Variants in SYNE2 observed in about 807,000 individuals in gnomAD.
SYNE2 encodes spectrin repeat containing nuclear envelope protein 2, also known as nesprin-2.
In SYNE2, 431 loss-of-function variants were observed where a neutral mutation model predicts 856.3. The ratio of observed to expected loss-of-function variants is 0.50; its 90% CI spans 0.47 to 0.55. SYNE2 has a LOEUF of 0.55. Ranked by LOEUF, SYNE2 falls within the 20% of genes least tolerant of loss-of-function variation. SYNE2 has a pLI of 0.00. For missense variants in SYNE2, 8,129 were observed against 8,023.2 expected (o/e 1.01, Z -0.50); for synonymous variants, 2,923 against 2,872.3 (o/e 1.02, Z -0.56).
intron 64 of SYNE2, among the ~76,000 whole-genome samples, chr14:64,102,410 C>A (rs897071559): frequency 2.0e-5 from 3 of 151,978 alleles, no homozygotes; most frequent in Non-Finnish European, 2.9e-5. Flanking sequence ...TTTAAAATGC[C>A]CATTTGTAGC....
At chr14:64,151,086 C>T (rs1031308777) in intron 84 of SYNE2, among the ~76,000 whole-genome samples, 3 of 152,166 alleles carry the variant, frequency 2.0e-5, no homozygotes, top group Non-Finnish European at 2.9e-5. Flanking sequence ...ATTCCTCCAG[C>T]TCCATTCTCT....
chr14:63,917,709 A>G (rs1032425150), intron 2 of SYNE2, among the ~76,000 whole-genome samples: 2 of 152,198 alleles, frequency 1.3e-5, no homozygotes, highest in African/African-American at 2.4e-5. Context: ...ACCTCAGGTG[A>G]TCTGCCTGCC....
chr14:64,003,224 G>T lies in SYNE2; in HGVS notation c.4291G>T (p.Ala1431Ser). The change falls in exon 30 of 116, where the codon GCT becomes TCT. Residue 1431 changes from alanine (A) to serine (S), a missense_variant. By Grantham distance (99) the Ala-to-Ser change is moderately conservative (BLOSUM62 1). Transcript: ENST00000555002. The part of the protein sequence containing the change: ...EFTEENKLLE[A>S]CIFKNNELLK... ...CACTGAGGAAAACAAATTACTAGAG[G>T]CTTGTATTTTCAAAAATAATGAACT... The T allele has an allele frequency of 1.9e-6, 3 of 1,613,728 alleles. No homozygotes were observed. Among genetic ancestry groups the T allele is most frequent in the Non-Finnish European group, 2.5e-6 (3 of 1,179,864 alleles).
rs568978610 is a variant in SYNE2 at position 64,207,501 on chromosome 14, C to T, written c.18202-1257C>T. Among the ~76,000 whole-genome samples the T allele has an allele frequency of 6.0e-5, 9 of 150,546 alleles. No homozygotes were observed. In the South Asian group the frequency reaches 1.7e-3, roughly 28 times the overall value. ...ACTTGAGCCCGGAGGTAGAGGTTTC[C>T]GTGAGCCAAGATCGCACCACTATAA... On this transcript the variant is annotated intron_variant, in intron 100 of 115. Transcript: ENST00000555002.
chr14:63,912,299 A>G (rs552787711), intron 2 of SYNE2, among the ~76,000 whole-genome samples: 2 of 152,230 alleles, frequency 1.3e-5, no homozygotes, highest in South Asian at 4.1e-4. Flanking sequence ...ACTTGTATAT[A>G]TTTCTAAAGG....
At chr14:63,962,110 G>A (rs1049309821) in intron 9 of SYNE2, among the ~76,000 whole-genome samples, 4 of 151,246 alleles carry the variant, frequency 2.6e-5, no homozygotes, top group African/African-American at 9.7e-5. Flanking sequence ...AGGCTGTAGT[G>A]CAGTGGCGCG....
Position 64,202,867 on chromosome 14 carries a change from C to T in SYNE2, c.18105C>T (p.Arg6035=), listed in dbSNP as rs373057023. The change falls in exon 100 of 116, where the codon CGC becomes CGT. Residue 6035 remains arginine (R), a synonymous_variant. Transcript: ENST00000555002. ...QQLDKNMSNL[R]TWLARIESEL... ...TGGACAAAAACATGAGCAACCTTCG[C>T]ACCTGGTTGGCTCGAATTGAGTCTG... The T allele has an allele frequency of 6.8e-5, 110 of 1,614,150 alleles. No individual in the cohort carries two copies. Among genetic ancestry groups the T allele is most frequent in the East Asian group, 4.5e-5 (2 of 44,882 alleles).
chr14:63,901,682 T>G (rs2153324946), intron 1 of SYNE2, among the ~76,000 whole-genome samples: 1 of 152,322 alleles, frequency 6.6e-6, no homozygotes, highest in Non-Finnish European at 1.5e-5. Context: ...CCCAGGACTT[T>G]GGGAGGTGAG....
chr14:64,209,736 A>G (rs779055572), intron 102 of SYNE2, 158 bp downstream of exon 102: 17 of 1,207,674 alleles, frequency 1.4e-5, no homozygotes, highest in Non-Finnish European at 1.8e-5. Flanking sequence ...ACAGCTTTGC[A>G]AGACATTGCT....
intron 57 of SYNE2, among the ~76,000 whole-genome samples, chr14:64,085,756 A>G (rs1241430351): frequency 1.3e-5 from 2 of 152,202 alleles, no homozygotes; most frequent in Non-Finnish European, 2.9e-5. Context: ...GTTTTCTCTA[A>G]TGACTAATAA....
chr14:64,099,020 G>A, intron 63 of SYNE2, 199 bp downstream of exon 63: 2 of 591,764 alleles, frequency 3.4e-6, no homozygotes, highest in Non-Finnish European at 6.0e-6. Flanking sequence ...AGAGTGAGAT[G>A]AATGTAATTC....
chr14:64,153,223 A>G (rs566766215), intron 85 of SYNE2, among the ~76,000 whole-genome samples: 1 of 152,326 alleles, frequency 6.6e-6, no homozygotes, highest in South Asian at 2.1e-4. Context: ...GGTGCAAGAC[A>G]TCTAATAATC....
At chr14:63,837,918 CAAAAAAAAA>C (rs34952817) in intron 1 of SYNE2, among the ~76,000 whole-genome samples, 16 of 62,186 alleles carry the variant, frequency 2.6e-4, no homozygotes, top group African/African-American at 5.4e-4. Flanking sequence ...GACTCTGTTT[CAAAAAAAAA>C]AAAAAAAAAA....
At chr14:64,182,999 C>T (rs1330923270) in intron 96 of SYNE2, among the ~76,000 whole-genome samples, 7 of 124,834 alleles carry the variant, frequency 5.6e-5, no homozygotes, top group Non-Finnish European at 1.6e-5. Flanking sequence ...CCGGACGGGG[C>T]GACTGGCCAG....
chr14:63,948,592 C>T (rs1248239505), intron 6 of SYNE2, among the ~76,000 whole-genome samples: 2 of 148,762 alleles, frequency 1.3e-5, no homozygotes, highest in Admixed American at 1.4e-4. Flanking sequence ...AACCGGGAGG[C>T]GGAGGTTGCA....
At chr14:64,106,527 T>TAGTCCCAGC (rs2097772869) in intron 64 of SYNE2, among the ~76,000 whole-genome samples, 1 of 152,156 alleles carries the variant, frequency 6.6e-6, no homozygotes. Context: ...CGGGTGCCTG[T>TAGTCCCAGC]AGTCCCAGCT....
chr14:63,836,020 C>A, intron 1 of SYNE2, among the ~76,000 whole-genome samples: 1 of 149,830 alleles, frequency 6.7e-6, no homozygotes, highest in East Asian at 2.0e-4. Flanking sequence ...CCAAATATTT[C>A]AATTAATATT....
chr14:64,161,620 T>C (rs1299423155), intron 87 of SYNE2, among the ~76,000 whole-genome samples: 1 of 151,646 alleles, frequency 6.6e-6, no homozygotes, highest in East Asian at 1.9e-4. Flanking sequence ...GCACCATGGC[T>C]CACACCTATA....
intron 51 of SYNE2, among the ~76,000 whole-genome samples, chr14:64,070,142 C>A (rs1358432911): frequency 6.6e-6 from 1 of 152,176 alleles, no homozygotes; most frequent in African/African-American, 2.4e-5. Flanking sequence ...ATAAATACTT[C>A]ACTGGTTTGG....
Sources: gnomAD v4.1 joint callset for allele counts (sites outside exome capture counted in the v4.1 genomes callset) on GRCh38, gnomAD v4.1.1 for gene constraint, MANE v1.5 for transcripts, NCBI Gene and HGNC (gene_info 2026-07-23, HGNC 2026-07-21) for gene names.